The following BMPER variants were observed in gnomAD, a reference collection of about 807,000 sequenced individuals.
The protein encoded by BMPER is BMP binding endothelial regulator.
BMPER carries 45 observed loss-of-function variants against 87.3 expected under a neutral mutation model. The ratio of observed to expected loss-of-function variants is 0.52; its 90% CI spans 0.41 to 0.66. BMPER has a LOEUF of 0.66. BMPER is among the 30% of genes least tolerant of loss of function. The pLI, the probability that BMPER is intolerant of heterozygous loss-of-function variation, is 0.00. For synonymous variants in BMPER, 326 were observed against 316.2 expected, an observed-to-expected ratio of 1.03 and a Z score of -0.33; for missense variants, 784 against 867.5, an observed-to-expected ratio of 0.90 and a Z score of 1.21.
At chr7:33,922,616 A>G (rs1406129463) in intron 2 of BMPER, among the ~76,000 whole-genome samples, 1 of 152,200 alleles carries the variant, frequency 6.6e-6, no homozygotes, top group African/African-American at 2.4e-5. Context: ...AACCAGAAAG[A>G]GAAACTAAGA....
Position 34,056,690 on chromosome 7 carries a change from T to C in BMPER, c.928-1369T>C, listed in dbSNP as rs1420660113. 2.0e-5 allele frequency among the ~76,000 whole-genome samples: 3 copies of C among 151,518 alleles called. No homozygotes were observed. The East Asian group carries it at 5.8e-4, about 30-fold the overall frequency. ...TGGAGTGCAGTGGTGTGATCTTGGATCACTGCAACCTCCACCTCCCGGGTT... is the reference window on the plus strand; with the variant it reads ...TGGAGTGCAGTGGTGTGATCTTGGACCACTGCAACCTCCACCTCCCGGGTT... On this transcript the variant is annotated intron_variant, in intron 9 of 14. Transcript: ENST00000649409.
At chr7:33,998,161 C>T (rs1786472240) in intron 6 of BMPER, among the ~76,000 whole-genome samples, 1 of 152,188 alleles carries the variant, frequency 6.6e-6, no homozygotes, top group African/African-American at 2.4e-5. Flanking sequence ...AAATACCAAG[C>T]ATTTGATATT....
intron 2 of BMPER, among the ~76,000 whole-genome samples, chr7:33,933,606 TG>T (rs907891854): frequency 1.8e-4 from 27 of 152,200 alleles, no homozygotes; most frequent in African/African-American, 6.5e-4. Context: ...GGCACATCTC[TG>T]TTGATATCCA....
chr7:34,134,913 C>G, intron 13 of BMPER, among the ~76,000 whole-genome samples: 1 of 152,106 alleles, frequency 6.6e-6, no homozygotes, highest in Non-Finnish European at 1.5e-5. Flanking sequence ...ATTGCTACTT[C>G]CTTAAAGGAG....
intron 13 of BMPER, among the ~76,000 whole-genome samples, chr7:34,089,414 A>C (rs1033713385): frequency 1.3e-5 from 2 of 152,188 alleles, no homozygotes; most frequent in African/African-American, 4.8e-5. Flanking sequence ...GCTTCTTATA[A>C]GGTCAAAATA....
chr7:33,978,887 T>G (rs1785763631), intron 6 of BMPER, among the ~76,000 whole-genome samples: 1 of 152,152 alleles, frequency 6.6e-6, no homozygotes, highest in Non-Finnish European at 1.5e-5. Flanking sequence ...TTGAAAACTA[T>G]ACTTAAAGTG....
intron 1 of BMPER, 76 bp from the exon 2 acceptor site, chr7:33,906,742 G>A (rs555922561): frequency 1.5e-6 from 2 of 1,312,600 alleles, no homozygotes; most frequent in Non-Finnish European, 2.2e-6. Flanking sequence ...AAAAGGATTA[G>A]TGTAAAAATT....
chr7:34,111,161 T>C (rs1483925213), intron 13 of BMPER, among the ~76,000 whole-genome samples: 5 of 152,242 alleles, frequency 3.3e-5, no homozygotes, highest in Admixed American at 3.3e-4. Context: ...AGCTTTTTAT[T>C]ATTTTTTCGT....
At chr7:34,106,067 A>G (rs1368668750) in intron 13 of BMPER, among the ~76,000 whole-genome samples, 2 of 152,140 alleles carry the variant, frequency 1.3e-5, no homozygotes, top group Admixed American at 1.3e-4. Context: ...CTCAGTCCTG[A>G]GTGGGAGTAA....
chr7:34,119,713 A>T (rs1167682069), intron 13 of BMPER, among the ~76,000 whole-genome samples: 1 of 152,204 alleles, frequency 6.6e-6, no homozygotes, highest in Non-Finnish European at 1.5e-5. Flanking sequence ...GAAAGACAAA[A>T]ATTCAAATAG....
chr7:33,905,161 T>G (rs1585620107), upstream of BMPER: 4 of 233,390 alleles, frequency 1.7e-5, no homozygotes, highest in Non-Finnish European at 3.4e-5. Context: ...AGTGCGGGAG[T>G]GGAGGACGCT....
chr7:34,013,862 A>G (rs915000684), intron 6 of BMPER, among the ~76,000 whole-genome samples: 17 of 151,998 alleles, frequency 1.1e-4, no homozygotes, highest in African/African-American at 2.7e-4. Context: ...TGAAACTGCT[A>G]TGAACTTTTC....
rs190589808 is a variant in BMPER at position 34,015,482 on chromosome 7, G to A, written c.577-30824G>A. 8.6e-4 allele frequency among the ~76,000 whole-genome samples: 130 copies of A among 152,040 alleles called. 1 individual carries two copies. The highest frequency in any genetic ancestry group is 1.4e-3 in the Non-Finnish European group (97 of 67,892). ...TTGGAATTTGAGGTTAGGGAGGGAT[G>A]ATTACTGTTCCTAATAGCTGGCATA... On this transcript the variant is annotated intron_variant, in intron 6 of 14. Transcript: ENST00000649409.
In BMPER at chr7:34,023,284, G is replaced by T. The variant is rs1310325568; in HGVS notation, c.577-23022G>T. Among the ~76,000 whole-genome samples, 4 of 152,060 alleles carry T rather than the reference G, an allele frequency of 2.6e-5. No individual in the cohort carries two copies. In the East Asian group the frequency reaches 7.8e-4, roughly 30 times the overall value. On this transcript the variant is annotated intron_variant, in intron 6 of 14. Coordinates refer to ENST00000649409, the MANE Select transcript of BMPER (RefSeq NM_001365308.1). ...AACCCAGACTCTTCAGGTAAGAAAT[G>T]TTCTTATTGTAACCCTGGACTGTGA...
At chr7:33,975,365 G>A (rs1238370161) in intron 6 of BMPER, among the ~76,000 whole-genome samples, 2 of 152,164 alleles carry the variant, frequency 1.3e-5, no homozygotes, top group Non-Finnish European at 2.9e-5. Flanking sequence ...TTGCAGAGTG[G>A]ATAGGAGGAA....
At chr7:33,965,347 A>AT (rs994652006) in intron 3 of BMPER, among the ~76,000 whole-genome samples, 1 of 151,936 alleles carries the variant, frequency 6.6e-6, no homozygotes, top group African/African-American at 2.4e-5. Flanking sequence ...CATCTATTGA[A>AT]TTTTTTCTAA....
intron 11 of BMPER, among the ~76,000 whole-genome samples, chr7:34,069,984 T>C (rs34883539): frequency 0.29 from 44,243 of 152,018 alleles, 6,668 homozygotes; most frequent in African/African-American, 0.35. Context: ...TCTCTGACTT[T>C]CCATATCCTT....
intron 7 of BMPER, among the ~76,000 whole-genome samples, chr7:34,046,929 T>TTTA (rs1787987651): frequency 1.3e-5 from 2 of 148,880 alleles, no homozygotes; most frequent in Non-Finnish European, 2.9e-5. Context: ...GCACTTTATT[T>TTTA]TTTTTTTTTT....
rs1554326903 is a variant in BMPER at position 34,153,294 on chromosome 7, A to G, written c.*21A>G. 1.2e-6 allele frequency: 2 copies of G among 1,613,176 alleles called. No individual in the cohort carries two copies. Among genetic ancestry groups the G allele is most frequent in the South Asian group, 2.2e-5 (2 of 91,044 alleles). On this transcript the variant is annotated 3_prime_UTR_variant, in exon 15 of 15. Coordinates refer to ENST00000649409, the MANE Select transcript of BMPER (RefSeq NM_001365308.1). The stretch of plus-strand genomic sequence containing the variant: ...GGTGACCTTTGTTTCGATCCTTAAG[A>G]CTCTGAAATCTGGTGACTTTGACAC...
Sources: allele counts gnomAD v4.1 joint callset (sites outside exome capture counted in the v4.1 genomes callset), GRCh38; gene constraint gnomAD v4.1.1; transcripts MANE v1.5; gene names NCBI Gene and HGNC (gene_info 2026-07-23, HGNC 2026-07-21).